Variants in ACE observed in about 807,000 individuals in gnomAD.
ACE encodes angiotensin-converting enzyme.
Under a neutral mutation model 162.3 loss-of-function variants are expected in ACE, and 122 were observed. The ratio of observed to expected loss-of-function variants is 0.75; its 90% CI spans 0.65 to 0.87. ACE has a LOEUF of 0.87. Ranked by LOEUF, ACE falls within the 40% of genes least tolerant of loss-of-function variation. ACE has a pLI of 0.00. For missense variants in ACE, 1,799 were observed against 1,735.1 expected, an observed-to-expected ratio of 1.04 and a Z score of -0.65; for synonymous variants, 796 against 720.6, an observed-to-expected ratio of 1.10 and a Z score of -1.68.
chr17:63,481,465 C>G (rs1374798283), intron 6 of ACE, 101 bp from the exon 7 acceptor site: 2 of 1,339,526 alleles, frequency 1.5e-6, no homozygotes, highest in South Asian at 1.3e-5. Context: ...AGCAGAGAAG[C>G]TTTCATGCAC....
rs1014867811 is a variant in ACE, at chr17:63,487,183, C to A, written c.2305+110C>A. ...GGGTTCCCCTCGCTCTTGGGGTCAG[C>A]GTGCCCAGGAAATGCCCTTTCTTGT... On this transcript the variant is annotated intron_variant, in intron 15 of 24. Coordinates refer to ENST00000290866, the MANE Select transcript of ACE (RefSeq NM_000789.4). 12 of 917,942 alleles carry A rather than the reference C, an allele frequency of 1.3e-5. No homozygotes were observed. In the South Asian group the frequency reaches 1.5e-4, roughly 11 times the overall value. The allele number at this position is 917,942 out of a possible 1,614,324, so 56.9% of individuals were successfully genotyped here.
At chr17:63,480,004 T>A (rs1404653032) in intron 4 of ACE, 92 bp downstream of exon 4, 3 of 1,517,964 alleles carry the variant, frequency 2.0e-6, no homozygotes, top group Admixed American at 3.9e-5. Context: ...GCAGAGCAGC[T>A]GGTATGACAA....
intron 8 of ACE, 88 bp downstream of exon 8, chr17:63,482,777 G>A: frequency 2.1e-6 from 3 of 1,424,258 alleles, no homozygotes; most frequent in Non-Finnish European, 2.9e-6. Flanking sequence ...ACTCAGCTCT[G>A]CCCTTCTTTC....
At position 63,484,015 on chromosome 17, in the gene ACE, G is replaced by A. The variant is rs779827309; in HGVS notation, c.1709+44G>A. On this transcript the variant is annotated intron_variant, in intron 11 of 24. Transcript: ENST00000290866. This position sits in a 1 kb window ranked among gnomAD's most constrained non-coding sequence, Gnocchi z 4.0. Reference sequence around the variant, plus strand: ...GGGGAAGTGGGAGGCAGAGAGGAGCGGCTGGCAAAGGGTGTGGCAGGAGGT... The same window carrying A: ...GGGGAAGTGGGAGGCAGAGAGGAGCAGCTGGCAAAGGGTGTGGCAGGAGGT... 2.5e-5 allele frequency: 40 copies of A among 1,573,832 alleles called. No individual in the cohort carries two copies. The highest frequency in any genetic ancestry group is 1.6e-4 in the East Asian group (7 of 42,602).
Position 63,493,453 on chromosome 17 carries a change from C to T in ACE, c.2930C>T (p.Thr977Ile), listed in dbSNP as rs1439040577. The T allele has an allele frequency of 1.3e-5, 21 of 1,614,006 alleles. No homozygotes were observed. Among genetic ancestry groups the T allele is most frequent in the Non-Finnish European group, 1.8e-5 (21 of 1,180,024 alleles). Reference protein sequence around the residue: ...GKDFRIKQCTTVNLEDLVVAH... With the variant: ...GKDFRIKQCTIVNLEDLVVAH... ...ATTCCTAGGATCAAGCAGTGCACCA[C>T]CGTGAACTTGGAGGACCTGGTGGTG... The change falls in exon 20 of 25, where the codon ACC (threonine) becomes ATC (isoleucine). Residue 977 changes from threonine (T) to isoleucine (I), a missense_variant. Coordinates refer to ENST00000290866, the MANE Select transcript of ACE (RefSeq NM_000789.4).
chr17:63,497,246 C>T lies in ACE; in HGVS notation c.3801C>T (p.Ile1267=), dbSNP rs144242912. The part of the protein sequence containing the change: ...VGQWLLLFLG[I]ALLVATLGLS... The stretch of plus-strand genomic sequence containing the variant: ...AGTGGCTGCTGCTCTTCCTGGGCAT[C>T]GCCCTGCTGGTAGCCACCCTGGGCC... Residue 1267 remains isoleucine, a synonymous_variant, in exon 25 of 25, where the codon ATC becomes ATT. Transcript: ENST00000290866. 2,846 of 1,579,314 alleles carry T rather than the reference C, an allele frequency of 1.8e-3. 8 individuals carry two copies. The highest frequency in any genetic ancestry group is 8.5e-3 in the Middle Eastern group (44 of 5,182).
intron 3 of ACE, among the ~76,000 whole-genome samples, chr17:63,479,452 G>A (rs2049671472): frequency 6.6e-6 from 1 of 152,200 alleles, no homozygotes; most frequent in Admixed American, 6.5e-5. Flanking sequence ...CCCCGCTCCA[G>A]CCCCCTTTAT....
intron 23 of ACE, 65 bp downstream of exon 23, chr17:63,496,581 C>A: frequency 6.2e-7 from 1 of 1,611,844 alleles, no homozygotes; most frequent in South Asian, 1.1e-5. Context: ...CTTGAGGGGT[C>A]TGTCCACTGG....
In ACE at chr17:63,483,960, G is replaced by A. The variant is rs1387667902; in HGVS notation, c.1698G>A (p.Gly566=). 6.2e-7 allele frequency: 1 copy of A among 1,613,888 alleles called. No homozygotes were observed. The highest frequency in any genetic ancestry group is 1.1e-5 in the South Asian group (1 of 91,048). Residue 566 remains glycine (G), a synonymous_variant, in exon 11 of 25, where the codon GGG becomes GGA. Transcript: ENST00000290866. ...ACATCTACCGGTCCACCAAGGCAGG[G>A]GCCAAGCTCCGGTGTGTGGTGGGAA... is the stretch of plus-strand genomic sequence containing the variant. The part of the protein sequence containing the change: ...QCDIYRSTKA[G]AKLRKVLQAG...
At chr17:63,480,988 C>T (rs2049697753) in intron 5 of ACE, 103 bp from the exon 6 acceptor site, 17 of 1,140,128 alleles carry the variant, frequency 1.5e-5, no homozygotes, top group Non-Finnish European at 2.3e-5. Flanking sequence ...CCCTTGAGGG[C>T]CCCAGGGTAC....
At chr17:63,496,097 G>A in intron 22 of ACE, 1 of 458,484 alleles carries the variant, frequency 2.2e-6, no homozygotes, top group East Asian at 4.4e-5. Flanking sequence ...AAAGCCACCT[G>A]CCAGATCTCT....
At chr17:63,483,695 G>T in intron 10 of ACE, 137 bp downstream of exon 10, 1 of 1,443,834 alleles carries the variant, frequency 6.9e-7, no homozygotes, top group African/African-American at 1.4e-5. Flanking sequence ...AGTTAGAGTG[G>T]CCCACTCTCC....
chr17:63,488,099 G>A (rs894322401), intron 15 of ACE, among the ~76,000 whole-genome samples: 2 of 152,182 alleles, frequency 1.3e-5, no homozygotes, highest in African/African-American at 4.8e-5. Context: ...GCTGGGCGTG[G>A]TGGTAGATGC....
chr17:63,477,668 CGCACT>C, intron 1 of ACE: 1 of 511,306 alleles, frequency 2.0e-6, no homozygotes, highest in Non-Finnish European at 3.5e-6. Flanking sequence ...TCACCGTCAC[CGCACT>C]GCACTGTCCA....
rs374314821 is a variant in ACE at position 63,480,547 on chromosome 17, C to T, written c.847+19C>T. On this transcript the variant is annotated intron_variant, in intron 5 of 24. Coordinates refer to ENST00000290866, the MANE Select transcript of ACE (RefSeq NM_000789.4). ...CTGCTGGGTAAGGACCTGGCCTCGC[C>T]TCCACATGAGTCCCACGGAAGTGTG... is the stretch of plus-strand genomic sequence containing the variant. 1 of 1,613,032 alleles carries T rather than the reference C, an allele frequency of 6.2e-7. No individual in the cohort carries two copies. Among genetic ancestry groups the T allele is most frequent in the South Asian group, 1.1e-5 (1 of 91,074 alleles).
chr17:63,496,634 AC>A, intron 23 of ACE, 118 bp downstream of exon 23: 3 of 1,595,960 alleles, frequency 1.9e-6, no homozygotes, highest in South Asian at 2.2e-5. Context: ...GGGAACTCCC[AC>A]CTGCAGCGTG....
In ACE at chr17:63,491,295, C is replaced by T; in HGVS notation, c.2826C>T (p.Asn942=). Residue 942 remains asparagine, a synonymous_variant, in exon 19 of 25, where the codon AAC becomes AAT. Coordinates refer to ENST00000290866, the MANE Select transcript of ACE (RefSeq NM_000789.4). The surrounding 1 kb of genome is among the most constrained non-coding windows in gnomAD (Gnocchi z 4.4). ...TGCCCGTGCCTCCTGAGTTCTGGAACAAGTCGATGCTGGAGAAGCCAACCG... is the reference window on the plus strand; with the variant it reads ...TGCCCGTGCCTCCTGAGTTCTGGAATAAGTCGATGCTGGAGAAGCCAACCG... The part of the protein sequence containing the change: ...GLLPVPPEFW[N]KSMLEKPTDG... The T allele has an allele frequency of 6.2e-7, 1 of 1,614,164 alleles. No individual in the cohort carries two copies. Among genetic ancestry groups the T allele is most frequent in the Non-Finnish European group, 8.5e-7 (1 of 1,180,034 alleles).
In ACE at chr17:63,496,382, G is replaced by C. The variant is rs188285769; in HGVS notation, c.3381-12G>C. 1 of 1,614,168 alleles carries C rather than the reference G, an allele frequency of 6.2e-7. No homozygotes were observed. The highest frequency in any genetic ancestry group is 2.2e-5 in the East Asian group (1 of 44,888). On this transcript the variant is annotated splice_polypyrimidine_tract_variant and intron_variant, in intron 22 of 24. Transcript: ENST00000290866. ...CAACTCCGCCCCGGGCCACGGCCTC[G>C]CTCTGCTCCAGGTACTTTGTCAGCT...
intron 23 of ACE, 87 bp from the exon 24 acceptor site, chr17:63,496,711 G>A: frequency 6.3e-7 from 1 of 1,592,840 alleles, no homozygotes; most frequent in Non-Finnish European, 8.6e-7. Flanking sequence ...AGTTTCAGCT[G>A]GGAGTGGGTA....
Sources: allele counts gnomAD v4.1 joint callset (sites outside exome capture counted in the v4.1 genomes callset), GRCh38; gene constraint gnomAD v4.1.1; non-coding constraint Gnocchi (gnomAD v3.1); transcripts MANE v1.5; gene names NCBI Gene and HGNC (gene_info 2026-07-23, HGNC 2026-07-21).